The following MSI2 variants were observed in gnomAD, a reference collection of about 807,000 sequenced individuals.
The protein encoded by MSI2 is RNA-binding protein Musashi homolog 2.
MSI2 carries 17 observed loss-of-function variants against 45.6 expected under a neutral mutation model. The observed-to-expected ratio is 0.37, with a 90% confidence interval of 0.26 to 0.56. The LOEUF (loss-of-function observed/expected upper bound fraction) is 0.56, where lower values mean the gene tolerates loss of function less well. MSI2 is among the 20% of genes least tolerant of loss of function. MSI2 has a pLI of 0.77. For missense variants in MSI2, 293 were observed against 444.2 expected (o/e 0.66, Z 3.06); for synonymous variants, 156 against 158.2 (o/e 0.99, Z 0.11).
chr17:57,698,475 G>A, the MSI2 span, among the ~76,000 whole-genome samples: 1 of 152,176 alleles, frequency 6.6e-6, no homozygotes, highest in African/African-American at 2.4e-5. Context: ...TCAGCTCCCA[G>A]GACACCTCCA....
intron 6 of MSI2, among the ~76,000 whole-genome samples, chr17:57,526,634 T>C (rs2086708719): frequency 6.6e-6 from 1 of 152,058 alleles, no homozygotes; most frequent in Non-Finnish European, 1.5e-5. Flanking sequence ...TAGTTTCAGC[T>C]CTTGCTGTTC....
At chr17:57,388,338 T>TAA (rs1400334691) in intron 5 of MSI2, among the ~76,000 whole-genome samples, 2 of 152,272 alleles carry the variant, frequency 1.3e-5, no homozygotes, top group African/African-American at 4.8e-5. Flanking sequence ...TCTTGATAGG[T>TAA]AAAATTTATG....
At chr17:57,457,623 G>A (rs2085140883) in intron 6 of MSI2, among the ~76,000 whole-genome samples, 1 of 152,128 alleles carries the variant, frequency 6.6e-6, no homozygotes, top group Non-Finnish European at 1.5e-5. Context: ...GGCCAGGCAC[G>A]ATAATTCATG....
At position 57,256,579 on chromosome 17, in the gene MSI2, G is replaced by A. The variant is rs1598031597; in HGVS notation, c.-164G>A. ...CCCACGTGTGACGGCTCTCGCCGCT[G>A]CCCCGGCTCCGCCGCTCGCAGAGAG... On this transcript the variant is annotated 5_prime_UTR_variant, in exon 1 of 14. Coordinates refer to ENST00000284073, the MANE Select transcript of MSI2 (RefSeq NM_138962.4). The A allele has an allele frequency of 1.0e-5, 4 of 388,548 alleles. No homozygotes were observed. The highest frequency in any genetic ancestry group is 1.8e-5 in the Non-Finnish European group (4 of 223,986). The allele number at this position is 388,548 out of a possible 1,614,324, so 24.1% of individuals were successfully genotyped here. A position where few individuals can be genotyped will look rare whatever the true frequency, so the allele number is the denominator to read the frequency against.
chr17:57,464,687 C>A (rs2085298559), intron 6 of MSI2, among the ~76,000 whole-genome samples: 1 of 152,156 alleles, frequency 6.6e-6, no homozygotes, highest in Non-Finnish European at 1.5e-5. Context: ...CGCTGCTGCC[C>A]CTTGGGACAC....
At chr17:57,656,606 C>G (rs970670785) in intron 11 of MSI2, among the ~76,000 whole-genome samples, 2 of 152,040 alleles carry the variant, frequency 1.3e-5, no homozygotes, top group Non-Finnish European at 2.9e-5. Flanking sequence ...TGCACTTGGC[C>G]CTAGTGAATC....
intron 6 of MSI2, among the ~76,000 whole-genome samples, chr17:57,517,735 G>T (rs1023940798): frequency 6.6e-6 from 1 of 152,134 alleles, no homozygotes; most frequent in African/African-American, 2.4e-5. Context: ...AGAGAAAAGG[G>T]CCTGGGGCTT....
rs181439032 is a variant in MSI2 at position 57,301,465 on chromosome 17, C to T, written c.312+39273C>T. Among the ~76,000 whole-genome samples the T allele has an allele frequency of 1.7e-3, 257 of 152,326 alleles. 3 individuals are homozygous for T. The highest frequency in any genetic ancestry group is 6.3e-4 in the Non-Finnish European group (43 of 68,034). Reference sequence around the variant, plus strand: ...TAGGAATACTCACATAGTCACCATCCGGCTTAGAAGGAGAATATTACCAAT... The same window carrying T: ...TAGGAATACTCACATAGTCACCATCTGGCTTAGAAGGAGAATATTACCAAT... On this transcript the variant is annotated intron_variant, in intron 5 of 13. Transcript: ENST00000284073.
chr17:57,461,824 C>T (rs889985113), intron 6 of MSI2, among the ~76,000 whole-genome samples: 6 of 152,140 alleles, frequency 3.9e-5, no homozygotes, highest in African/African-American at 1.4e-4. Flanking sequence ...TGAGCTAGAA[C>T]CCTTGGGTTT....
intron 6 of MSI2, among the ~76,000 whole-genome samples, chr17:57,510,120 T>C (rs911328054): frequency 6.6e-6 from 1 of 152,010 alleles, no homozygotes; most frequent in Admixed American, 6.6e-5. Context: ...CCCCACGAGG[T>C]TTCCCCATCT....
intron 5 of MSI2, among the ~76,000 whole-genome samples, chr17:57,276,508 GT>G (rs1331057868): frequency 1.3e-5 from 2 of 152,198 alleles, no homozygotes; most frequent in Non-Finnish European, 2.9e-5. Context: ...TTTGGTGAAA[GT>G]TTCTGGGTTT....
intron 5 of MSI2, among the ~76,000 whole-genome samples, chr17:57,323,450 G>A (rs2143683342): frequency 6.6e-6 from 1 of 152,368 alleles, no homozygotes; most frequent in South Asian, 2.1e-4. Flanking sequence ...GGTCCGCTGG[G>A]CACTTGGGCC....
intron 5 of MSI2, among the ~76,000 whole-genome samples, chr17:57,363,386 AAAAGAGCTCTGTGACAG>A (rs1916962785): frequency 6.6e-6 from 1 of 152,106 alleles, no homozygotes; most frequent in African/African-American, 2.4e-5. Context: ...CTCTGTGACA[AAAAGAGCTCTGTGACAG>A]AAAGAGTGGC....
At chr17:57,595,576 T>C (rs1317263488) in intron 7 of MSI2, among the ~76,000 whole-genome samples, 7 of 151,950 alleles carry the variant, frequency 4.6e-5, no homozygotes, top group Admixed American at 4.6e-4. Context: ...CCTCGCATGG[T>C]AGAGAGAAAA....
intron 6 of MSI2, among the ~76,000 whole-genome samples, chr17:57,460,562 C>T (rs1271305551): frequency 6.6e-6 from 1 of 152,064 alleles, no homozygotes; most frequent in Non-Finnish European, 1.5e-5. Context: ...TCATGAGGAG[C>T]TGGATGGGTT....
intron 6 of MSI2, among the ~76,000 whole-genome samples, chr17:57,525,384 A>G (rs547414111): frequency 8.5e-4 from 130 of 152,224 alleles, no homozygotes; most frequent in African/African-American, 3.0e-3. Flanking sequence ...TCCCAGGCTC[A>G]AGCAATCTTA....
chr17:57,640,819 C>G (rs1400079831), intron 10 of MSI2, among the ~76,000 whole-genome samples: 1 of 152,226 alleles, frequency 6.6e-6, no homozygotes, highest in Non-Finnish European at 1.5e-5. Context: ...TGCAGGGACG[C>G]TCTGTGGCCA....
At chr17:57,474,450 G>A (rs924585071) in intron 6 of MSI2, among the ~76,000 whole-genome samples, 5 of 152,056 alleles carry the variant, frequency 3.3e-5, no homozygotes, top group East Asian at 1.9e-4. Context: ...ATTCTTTGTC[G>A]TGGGCACTGT....
chr17:57,501,618 C>T (rs888908715), intron 6 of MSI2, among the ~76,000 whole-genome samples: 18 of 152,174 alleles, frequency 1.2e-4, no homozygotes, highest in Non-Finnish European at 4.4e-5. Flanking sequence ...GAGATTCTGG[C>T]GTGCTCAGGG....
Sources: allele counts gnomAD v4.1 joint callset (sites outside exome capture counted in the v4.1 genomes callset), GRCh38; gene constraint gnomAD v4.1.1; transcripts MANE v1.5; gene names NCBI Gene and HGNC (gene_info 2026-07-23, HGNC 2026-07-21).